Variants in FNDC3A observed in about 807,000 individuals in gnomAD.
The protein encoded by FNDC3A is fibronectin type III domain containing 3A, also known as fibronectin type-III domain-containing protein 3A.
Under a neutral mutation model 148.9 loss-of-function variants are expected in FNDC3A, and 32 were observed. The ratio of observed to expected loss-of-function variants is 0.21; its 90% CI spans 0.16 to 0.29. FNDC3A has a LOEUF of 0.29. Ranked by LOEUF, FNDC3A falls within the 10% of genes least tolerant of loss-of-function variation. The pLI is 1.00. For synonymous variants in FNDC3A, 472 were observed against 473.6 expected (o/e 1.00, Z 0.04); for missense variants, 1,191 against 1,452.8 (o/e 0.82, Z 2.93).
intron 5 of FNDC3A, among the ~76,000 whole-genome samples, chr13:49,132,422 G>A (rs889370178): frequency 6.6e-6 from 1 of 152,140 alleles, no homozygotes; most frequent in Non-Finnish European, 1.5e-5. Context: ...GTTTTAGGAC[G>A]GATAAGTCTT....
At chr13:48,990,235 G>C (rs1951887552) in intron 1 of FNDC3A, among the ~76,000 whole-genome samples, 1 of 151,802 alleles carries the variant, frequency 6.6e-6, no homozygotes, top group Non-Finnish European at 1.5e-5. Context: ...GCAAAATAAA[G>C]ATTTCAAATA....
intron 8 of FNDC3A, among the ~76,000 whole-genome samples, chr13:49,151,326 C>G (rs1010256398): frequency 2.0e-5 from 3 of 152,120 alleles, no homozygotes; most frequent in African/African-American, 7.2e-5. Context: ...ATCCCTTTAT[C>G]ATTATATAAT....
At chr13:49,159,877 A>G (rs965808249) in intron 8 of FNDC3A, among the ~76,000 whole-genome samples, 2 of 151,376 alleles carry the variant, frequency 1.3e-5, no homozygotes, top group African/African-American at 4.9e-5. Context: ...TGAGATAAAC[A>G]TGTGGTTTTT....
At chr13:49,021,008 G>A (rs1352476928) in intron 2 of FNDC3A, among the ~76,000 whole-genome samples, 2 of 152,202 alleles carry the variant, frequency 1.3e-5, no homozygotes, top group African/African-American at 4.8e-5. Flanking sequence ...AGTCAGGGTA[G>A]TGAAGCCATA....
intron 1 of FNDC3A, among the ~76,000 whole-genome samples, chr13:49,002,301 A>T (rs1050895094): frequency 1.1e-4 from 16 of 152,284 alleles, no homozygotes; most frequent in Admixed American, 3.9e-4. Context: ...TAGGTTTTTC[A>T]TATATAGCCT....
In FNDC3A at chr13:49,006,178, T is replaced by A; in HGVS notation, c.-13T>A. On this transcript the variant is annotated 5_prime_UTR_variant, in exon 2 of 26. An upstream start codon of the reference 5' UTR is lost. Transcript: ENST00000492622. ...ATTGGAGCGTTATTCAGTATATTAA[T>A]GTCTTATTGATAATGGCAGAACATC... 2 of 1,447,620 alleles carry A rather than the reference T, an allele frequency of 1.4e-6. No individual in the cohort carries two copies. The highest frequency in any genetic ancestry group is 1.9e-6 in the Non-Finnish European group (2 of 1,033,020). 89.7% of individuals were successfully genotyped at this position (1,447,620 alleles called of 1,614,324 possible).
chr13:49,187,146 C>CA lies in FNDC3A; in HGVS notation c.1783dup (p.Thr595AsnfsTer4). 6.2e-7 allele frequency: 1 copy of CA among 1,612,758 alleles called. No homozygotes were observed. The highest frequency in any genetic ancestry group is 8.5e-7 in the Non-Finnish European group (1 of 1,179,182). On this transcript the variant is annotated frameshift_variant, in exon 16 of 26. Coordinates refer to ENST00000492622, the MANE Select transcript of FNDC3A (RefSeq NM_001079673.2). LOFTEE classifies it high-confidence loss of function. The stretch of plus-strand genomic sequence containing the variant: ...GATCCACCAAAAGACAATGGCGGAG[C>CA]AACCATCAATAAATATGTAGTGGAG...
At chr13:49,045,055 T>C in intron 2 of FNDC3A, 1 of 211,442 alleles carries the variant, frequency 4.7e-6, no homozygotes, top group Non-Finnish European at 9.6e-6. Context: ...TTCCTTTCCC[T>C]TTCCCTTTTC....
chr13:49,148,171 T>C (rs1883096223), intron 8 of FNDC3A, among the ~76,000 whole-genome samples: 1 of 152,208 alleles, frequency 6.6e-6, no homozygotes, highest in Non-Finnish European at 1.5e-5. Flanking sequence ...CTGAGGGTTG[T>C]GTCTTCACTG....
chr13:48,983,132 TCC>T (rs759669671), intron 1 of FNDC3A, among the ~76,000 whole-genome samples: 1 of 152,170 alleles, frequency 6.6e-6, no homozygotes, highest in Non-Finnish European at 1.5e-5. Flanking sequence ...TCACACTCCC[TCC>T]CCTTTAGAAA....
At chr13:49,017,818 A>C (rs910180765) in intron 2 of FNDC3A, among the ~76,000 whole-genome samples, 3 of 151,660 alleles carry the variant, frequency 2.0e-5, no homozygotes, top group African/African-American at 7.3e-5. Flanking sequence ...ATCTCTCAGC[A>C]TTTGCTTGTC....
In FNDC3A at chr13:49,136,884, A is replaced by C. The variant is rs1024317296; in HGVS notation, c.760+283A>C. 2.6e-5 allele frequency among the ~76,000 whole-genome samples: 4 copies of C among 152,054 alleles called. No homozygotes were observed. In the South Asian group the frequency reaches 8.3e-4, roughly 31 times the overall value. ...AGGCTATGCTGCTGGTTTTTAATCA[A>C]AACTTTTTTTTTTTGAGACAGGGTC... On this transcript the variant is annotated intron_variant, in intron 6 of 25. Transcript: ENST00000492622.
At chr13:49,020,772 A>G (rs1429493533) in intron 2 of FNDC3A, among the ~76,000 whole-genome samples, 3 of 152,264 alleles carry the variant, frequency 2.0e-5, no homozygotes, top group African/African-American at 7.2e-5. Flanking sequence ...TCTTAGAAGT[A>G]GCTTTAATAT....
In FNDC3A at chr13:49,196,745, G is replaced by C; in HGVS notation, c.2227-132G>C. 4 of 505,056 alleles carry C rather than the reference G, an allele frequency of 7.9e-6. No homozygotes were observed. In the South Asian group the frequency reaches 1.5e-4, roughly 19 times the overall value. 31.3% of individuals were successfully genotyped at this position (505,056 alleles called of 1,614,324 possible). Reference sequence around the variant, plus strand: ...TTTTTAGTTAATGTGAATACTTATAGAATTATGACCAAATTAATCTTGAAA... The same window carrying C: ...TTTTTAGTTAATGTGAATACTTATACAATTATGACCAAATTAATCTTGAAA... On this transcript the variant is annotated intron_variant, in intron 19 of 25. Transcript: ENST00000492622.
intron 2 of FNDC3A, chr13:49,044,005 T>C (rs1593510130): frequency 6.6e-6 from 1 of 152,384 alleles, no homozygotes; most frequent in Non-Finnish European, 1.5e-5. Context: ...GCATATTAAC[T>C]CTTTTCAAAA....
chr13:49,041,115 C>T (rs900043779), intron 2 of FNDC3A, among the ~76,000 whole-genome samples: 5 of 152,088 alleles, frequency 3.3e-5, no homozygotes, highest in African/African-American at 1.2e-4. Flanking sequence ...GATTATTTGC[C>T]AGAAACCTGT....
chr13:49,142,687 T>C (rs1015514326), intron 7 of FNDC3A, among the ~76,000 whole-genome samples: 4 of 152,208 alleles, frequency 2.6e-5, no homozygotes, highest in African/African-American at 7.2e-5. Flanking sequence ...ATTTCAGTTA[T>C]AAGCTTTGGA....
intron 8 of FNDC3A, among the ~76,000 whole-genome samples, chr13:49,157,994 C>G (rs566358623): frequency 0.034 from 5,193 of 151,144 alleles, 276 homozygotes; most frequent in African/African-American, 0.11. Flanking sequence ...GCCCTGCCCC[C>G]AGAGGTGGAG....
At position 49,207,295 on chromosome 13, in the gene FNDC3A, G is replaced by A. The variant is rs200658303; in HGVS notation, c.3497G>A (p.Arg1166Gln). The A allele has an allele frequency of 2.2e-4, 357 of 1,614,132 alleles. 2 individuals carry two copies. In the South Asian group the frequency reaches 2.7e-3, roughly 12 times the overall value. Residue 1166 changes from arginine to glutamine, a missense_variant, in exon 26 of 26, where the codon CGG (arginine) becomes CAG (glutamine). Around this residue, in one of 3 missense-constraint regions of FNDC3A, gnomAD observed 751 missense variants for 944.0 expected, o/e 0.80. Transcript: ENST00000492622. Reference sequence around the variant, plus strand: ...ACTGTGGAAAGCACAAGGACCCGACGGGCACTGAGTGACGAGCAGTGTGCT... The same window carrying A: ...ACTGTGGAAAGCACAAGGACCCGACAGGCACTGAGTGACGAGCAGTGTGCT... ...RDTVESTRTRRALSDEQCAAV... is the reference protein window; with the variant it reads ...RDTVESTRTRQALSDEQCAAV...
Sources: gnomAD v4.1 joint callset for allele counts (sites outside exome capture counted in the v4.1 genomes callset) on GRCh38, gnomAD v4.1.1 for gene constraint, gnomAD v4.1.1 regional missense constraint, MANE v1.5 for transcripts, NCBI Gene and HGNC (gene_info 2026-07-23, HGNC 2026-07-21) for gene names.